Variants in TSHZ2 observed in about 807,000 individuals in gnomAD.
TSHZ2 encodes teashirt zinc finger homeobox 2.
A neutral mutation model predicts 74.4 loss-of-function variants in TSHZ2; 21 were observed. That is an observed-to-expected ratio of 0.28 (90% CI 0.20 to 0.41). The LOEUF (loss-of-function observed/expected upper bound fraction) is 0.41. Among genes scored for constraint, TSHZ2 ranks in the 10% least tolerant of loss-of-function variants. TSHZ2 has a pLI of 1.00. For missense variants in TSHZ2, 1,244 were observed against 1,293.5 expected (o/e 0.96, Z 0.59); for synonymous variants, 540 against 515.3 (o/e 1.05, Z -0.65).
chr20:53,465,119 G>A (rs1985514120), intron 2 of TSHZ2, among the ~76,000 whole-genome samples: 1 of 152,178 alleles, frequency 6.6e-6, no homozygotes, highest in Non-Finnish European at 1.5e-5. Context: ...CAGCTTCACT[G>A]GGAAATGGCT....
chr20:53,373,307 T>C (rs1981543420), intron 2 of TSHZ2, among the ~76,000 whole-genome samples: 1 of 152,212 alleles, frequency 6.6e-6, no homozygotes, highest in Non-Finnish European at 1.5e-5. Context: ...TGATAAATTA[T>C]GAAGAAAATA....
chr20:53,182,355 G>C (rs1387536242), intron 1 of TSHZ2, among the ~76,000 whole-genome samples: 1 of 151,850 alleles, frequency 6.6e-6, no homozygotes, highest in Non-Finnish European at 1.5e-5. Flanking sequence ...TGGTTTTAGA[G>C]CTTCAGTCAT....
chr20:53,117,390 C>A (rs1284410582), intron 1 of TSHZ2, among the ~76,000 whole-genome samples: 1 of 152,206 alleles, frequency 6.6e-6, no homozygotes, highest in African/African-American at 2.4e-5. Context: ...CACAAGGTAT[C>A]AGGCTCTGTT....
chr20:53,324,590 G>A (rs908722434), intron 2 of TSHZ2, among the ~76,000 whole-genome samples: 17 of 151,986 alleles, frequency 1.1e-4, no homozygotes, highest in African/African-American at 4.1e-4. Flanking sequence ...TGCTTAGGCT[G>A]GTCTCGAACT....
chr20:53,178,724 A>T (rs1468826558), intron 1 of TSHZ2: 1 of 152,230 alleles, frequency 6.6e-6, no homozygotes, highest in Non-Finnish European at 1.5e-5. Context: ...GCCTCACTTT[A>T]TAAGAAGATA....
At chr20:53,064,432 TA>T (rs1240031780) in intron 1 of TSHZ2, among the ~76,000 whole-genome samples, 1 of 152,162 alleles carries the variant, frequency 6.6e-6, no homozygotes, top group Non-Finnish European at 1.5e-5. Flanking sequence ...AAGCCTTCTT[TA>T]TTTTTTTTAT....
intron 2 of TSHZ2, among the ~76,000 whole-genome samples, chr20:53,389,828 C>T (rs545244934): frequency 6.6e-6 from 1 of 152,322 alleles, no homozygotes; most frequent in East Asian, 1.9e-4. Context: ...TGCTAAATAT[C>T]TTACAATGCC....
At chr20:53,441,217 ATTTG>A (rs201847986) in intron 2 of TSHZ2, among the ~76,000 whole-genome samples, 13,298 of 134,750 alleles carry the variant, frequency 0.099, 1,418 homozygotes, top group African/African-American at 0.27. Context: ...ACCCTTATTT[ATTTG>A]TTTATTTTAT....
intron 1 of TSHZ2, among the ~76,000 whole-genome samples, chr20:53,241,264 T>A (rs1339982320): frequency 6.6e-6 from 1 of 152,188 alleles, no homozygotes; most frequent in Non-Finnish European, 1.5e-5. Flanking sequence ...TCTCCCAGAA[T>A]TTTGGTCTTT....
intron 2 of TSHZ2, among the ~76,000 whole-genome samples, chr20:53,340,183 TC>T (rs1202834827): frequency 3.1e-4 from 18 of 57,176 alleles, no homozygotes; most frequent in African/African-American, 1.7e-3. Flanking sequence ...CTTTCTTTTT[TC>T]TTTTTTTTTT....
intron 1 of TSHZ2, among the ~76,000 whole-genome samples, chr20:53,251,025 C>T (rs1239786111): frequency 6.6e-6 from 1 of 152,116 alleles, no homozygotes; most frequent in Non-Finnish European, 1.5e-5. Flanking sequence ...TGCTAGATGT[C>T]AGGCACGGTG....
chr20:53,245,107 G>A (rs190103825), intron 1 of TSHZ2, among the ~76,000 whole-genome samples: 2 of 152,300 alleles, frequency 1.3e-5, no homozygotes, highest in African/African-American at 4.8e-5. Flanking sequence ...CTGAGAAGTT[G>A]GGAGGTAACC....
intron 1 of TSHZ2, among the ~76,000 whole-genome samples, chr20:53,237,368 A>G (rs911754703): frequency 3.3e-5 from 5 of 152,120 alleles, no homozygotes; most frequent in African/African-American, 1.2e-4. Flanking sequence ...AAACCTTCAA[A>G]CCAAAGAAAG....
At chr20:53,387,797 A>G (rs542806363) in intron 2 of TSHZ2, among the ~76,000 whole-genome samples, 6 of 152,322 alleles carry the variant, frequency 3.9e-5, no homozygotes, top group Admixed American at 3.9e-4. Flanking sequence ...CTGTAATCCT[A>G]GCACTTTGGG....
intron 2 of TSHZ2, among the ~76,000 whole-genome samples, chr20:53,407,140 T>C (rs191516786): frequency 6.6e-6 from 1 of 152,328 alleles, no homozygotes; most frequent in Non-Finnish European, 1.5e-5. Context: ...ATTTCTTTTC[T>C]CTTCCCCGCT....
At chr20:53,068,392 G>C (rs1985063784) in intron 1 of TSHZ2, among the ~76,000 whole-genome samples, 1 of 152,060 alleles carries the variant, frequency 6.6e-6, no homozygotes, top group African/African-American at 2.4e-5. Flanking sequence ...GGACTTCTCT[G>C]TTTTTTGAAT....
At chr20:53,029,604 A>T (rs1600654554) in intron 1 of TSHZ2, among the ~76,000 whole-genome samples, 1 of 152,314 alleles carries the variant, frequency 6.6e-6, no homozygotes, top group East Asian at 1.9e-4. Flanking sequence ...TGAACCCTGG[A>T]GGTGGAGATT....
intron 1 of TSHZ2, among the ~76,000 whole-genome samples, chr20:53,145,597 G>A (rs1026538958): frequency 6.6e-6 from 1 of 152,202 alleles, no homozygotes; most frequent in African/African-American, 2.4e-5. Context: ...TTCTAGAAGA[G>A]AGTGTAGAAC....
intron 2 of TSHZ2, among the ~76,000 whole-genome samples, chr20:53,311,754 A>G (rs13038170): frequency 0.078 from 11,950 of 152,230 alleles, 632 homozygotes; most frequent in South Asian, 0.12. Context: ...AGAAGATTCT[A>G]TAGTCAATGC....
Sources: allele counts gnomAD v4.1 joint callset (sites outside exome capture counted in the v4.1 genomes callset), GRCh38; gene constraint gnomAD v4.1.1; transcripts MANE v1.5; gene names NCBI Gene and HGNC (gene_info 2026-07-23, HGNC 2026-07-21).